AP3S2: variants seen among roughly 807,000 people sequenced by gnomAD.
AP3S2 encodes the protein AP-3 complex subunit sigma-2.
In AP3S2, 22 loss-of-function variants were observed where a neutral mutation model predicts 23.4. The observed-to-expected ratio is 0.94, with a 90% CI of 0.67 to 1.34. The LOEUF is 1.34. Among genes scored for constraint, AP3S2 ranks in the 40% most tolerant of loss-of-function variants. AP3S2 has a pLI of 0.00. For synonymous variants in AP3S2, 86 were observed against 87.1 expected, an observed-to-expected ratio of 0.99 and a Z score of 0.07; for missense variants, 241 against 236.9, an observed-to-expected ratio of 1.02 and a Z score of -0.11.
chr15:89,858,527 A>AGAG (rs1895918948), intron 4 of AP3S2, among the ~76,000 whole-genome samples: 26 of 40,250 alleles, frequency 6.5e-4, no homozygotes, highest in African/African-American at 1.1e-3. Flanking sequence ...GAGAGAGAGA[A>AGAG]AGAAAGAAAG....
intron 5 of AP3S2, 75 bp from the exon 6 acceptor site, chr15:89,835,718 A>AAAAAGC (rs1326066628): frequency 1.5e-5 from 22 of 1,498,032 alleles, no homozygotes; most frequent in Non-Finnish European, 2.0e-5. Flanking sequence ...AAAAAAAAAA[A>AAAAAGC]AAAAGCAAAA....
intron 3 of AP3S2, among the ~76,000 whole-genome samples, chr15:89,871,825 A>G (rs1393984863): frequency 1.3e-5 from 2 of 152,110 alleles, no homozygotes; most frequent in African/African-American, 4.8e-5. Flanking sequence ...ATGCTAATTT[A>G]TGGTAGGGCA....
rs888153948 is a variant in AP3S2, at chr15:89,893,980, C to A, written c.-31G>T. The A allele has an allele frequency of 1.3e-6, 2 of 1,547,590 alleles. No homozygotes were observed. The highest frequency in any genetic ancestry group is 2.4e-5 in the East Asian group (1 of 40,904). The stretch of plus-strand genomic sequence containing the variant: ...CCAGCCACGGTTCTCTCAGCACCGG[C>A]TACTCCCAGAAAGCTCCTCCTTCCG... On this transcript the variant is annotated 5_prime_UTR_variant, in exon 1 of 6. Coordinates refer to ENST00000336418, the MANE Select transcript of AP3S2 (RefSeq NM_005829.5).
intron 4 of AP3S2, among the ~76,000 whole-genome samples, chr15:89,866,270 A>AAG (rs1324266364): frequency 1.3e-4 from 19 of 150,986 alleles, no homozygotes; most frequent in Non-Finnish European, 5.9e-5. Context: ...TCAAAAAAAA[A>AAG]AAAAAAAAAA....
intron 1 of AP3S2, among the ~76,000 whole-genome samples, chr15:89,890,804 A>AG (rs1190918761): frequency 3.3e-5 from 5 of 152,220 alleles, no homozygotes; most frequent in Non-Finnish European, 5.9e-5. Flanking sequence ...AGAAACAGAG[A>AG]GGGGAAAAAA....
At chr15:89,870,778 C>G (rs964144275) in intron 4 of AP3S2, among the ~76,000 whole-genome samples, 1 of 152,146 alleles carries the variant, frequency 6.6e-6, no homozygotes, top group Non-Finnish European at 1.5e-5. Context: ...AAACCAGGAC[C>G]AAGCAAACCA....
chr15:89,860,669 G>T (rs1364730385), intron 4 of AP3S2, among the ~76,000 whole-genome samples: 1 of 152,046 alleles, frequency 6.6e-6, no homozygotes, highest in Non-Finnish European at 1.5e-5. Context: ...CTTTAACTCT[G>T]CCCTACAACT....
At chr15:89,876,382 G>A (rs960124438) in intron 3 of AP3S2, among the ~76,000 whole-genome samples, 2 of 151,878 alleles carry the variant, frequency 1.3e-5, no homozygotes, top group Non-Finnish European at 2.9e-5. Context: ...TCACACCACT[G>A]CACTCCAGCC....
chr15:89,887,394 C>T (rs1190819169), intron 3 of AP3S2, among the ~76,000 whole-genome samples: 4 of 151,570 alleles, frequency 2.6e-5, no homozygotes, highest in Non-Finnish European at 4.4e-5. Context: ...TTTTTTGAGA[C>T]GGAGTCTCGC....
intron 3 of AP3S2, among the ~76,000 whole-genome samples, chr15:89,885,920 G>A (rs915781334): frequency 7.3e-4 from 88 of 120,034 alleles, no homozygotes; most frequent in African/African-American, 2.9e-3. Context: ...CAGTTTGAGA[G>A]CAAGACCTTG....
chr15:89,868,717 C>A (rs1489862686), intron 4 of AP3S2, among the ~76,000 whole-genome samples: 37 of 122,568 alleles, frequency 3.0e-4, no homozygotes, highest in Non-Finnish European at 1.4e-4. Flanking sequence ...TCCGCCCGGC[C>A]AGCCGCCCCG....
In AP3S2 at chr15:89,833,165, C is replaced by T. The variant is rs1895116520; in HGVS notation, c.*2350G>A. ...GATGTGGCTCTGGATTTGTGACCCTCAACATAACATTTACCACCTTGGGCT... is the reference window on the plus strand; with the variant it reads ...GATGTGGCTCTGGATTTGTGACCCTTAACATAACATTTACCACCTTGGGCT... On this transcript the variant is annotated 3_prime_UTR_variant, in exon 6 of 6. Transcript: ENST00000336418. 6.6e-6 allele frequency: 1 copy of T among 152,206 alleles called. No homozygotes were observed. The highest frequency in any genetic ancestry group is 1.5e-5 in the Non-Finnish European group (1 of 68,048). 9.4% of individuals were successfully genotyped at this position (152,206 alleles called of 1,614,324 possible).
chr15:89,837,377 T>A (rs974994880), intron 5 of AP3S2, among the ~76,000 whole-genome samples: 2 of 152,220 alleles, frequency 1.3e-5, no homozygotes, highest in African/African-American at 4.8e-5. Context: ...TCCTCTGCCA[T>A]CTGGCTTTTC....
intron 1 of AP3S2, 83 bp downstream of exon 1, chr15:89,893,798 G>GC: frequency 1.4e-6 from 2 of 1,382,836 alleles, no homozygotes; most frequent in Non-Finnish European, 2.0e-6. Flanking sequence ...AAAGAGCGGT[G>GC]CCCCCGGGCG....
chr15:89,871,476 T>G lies in AP3S2; in HGVS notation c.344A>C (p.Lys115Thr). The change falls in exon 4 of 6, where the codon AAG becomes ACG. Residue 115 changes from lysine to threonine, a missense_variant and splice_region_variant. Physicochemically the swap from Lys to Thr is moderately conservative, Grantham distance 78. Transcript: ENST00000336418. ...GAAGAGAACTGCAAGAGAATATACC[T>G]TATCCATATGGAAGATCAAATCCAA... is the stretch of plus-strand genomic sequence containing the variant. Reference protein sequence around the residue: ...CELDLIFHMDKVHYILQEVVM... With the variant: ...CELDLIFHMDTVHYILQEVVM... 1.2e-6 allele frequency: 2 copies of G among 1,613,478 alleles called. No homozygotes were observed. The highest frequency in any genetic ancestry group is 1.7e-6 in the Non-Finnish European group (2 of 1,179,844).
intron 3 of AP3S2, among the ~76,000 whole-genome samples, chr15:89,879,084 G>A (rs1567185936): frequency 6.6e-6 from 1 of 152,210 alleles, no homozygotes; most frequent in Non-Finnish European, 1.5e-5. Flanking sequence ...TCACTATGCT[G>A]CCCAGGAAGG....
chr15:89,869,191 T>G (rs1407761654), intron 4 of AP3S2, among the ~76,000 whole-genome samples: 3 of 150,548 alleles, frequency 2.0e-5, no homozygotes, highest in Admixed American at 6.6e-5. Context: ...TAGAAAGAAG[T>G]AGACATGGGA....
chr15:89,880,088 T>A (rs1371116585), intron 3 of AP3S2, among the ~76,000 whole-genome samples: 1 of 151,522 alleles, frequency 6.6e-6, no homozygotes, highest in Non-Finnish European at 1.5e-5. Context: ...TATGATATTA[T>A]AAGCCAGGAT....
In AP3S2 at chr15:89,871,490, G is replaced by T. The variant is rs1261716270; in HGVS notation, c.330C>A (p.Ile110=). The part of the protein sequence containing the change: ...CFENVCELDL[I]FHMDKVHYIL... The stretch of plus-strand genomic sequence containing the variant: ...GAGAATATACCTTATCCATATGGAA[G>T]ATCAAATCCAATTCACACACATTTT... The change falls in exon 4 of 6, where the codon ATC becomes ATA. Residue 110 remains isoleucine, a synonymous_variant. Coordinates refer to ENST00000336418, the MANE Select transcript of AP3S2 (RefSeq NM_005829.5). 6.2e-7 allele frequency: 1 copy of T among 1,613,528 alleles called. No individual in the cohort carries two copies. Among genetic ancestry groups the T allele is most frequent in the Non-Finnish European group, 8.5e-7 (1 of 1,179,928 alleles).
Sources: gnomAD v4.1 joint callset for allele counts (sites outside exome capture counted in the v4.1 genomes callset) on GRCh38, gnomAD v4.1.1 for gene constraint, MANE v1.5 for transcripts, NCBI Gene and HGNC (gene_info 2026-07-23, HGNC 2026-07-21) for gene names.